MYCBP2: variants seen among roughly 807,000 people sequenced by gnomAD.
MYCBP2 encodes MYC binding protein 2.
Under a neutral mutation model 525.3 loss-of-function variants are expected in MYCBP2, and 120 were observed. The observed-to-expected ratio is 0.23, with a 90% CI of 0.20 to 0.27. The LOEUF is 0.27. MYCBP2 is among the 10% of genes least tolerant of loss of function. MYCBP2 has a pLI of 1.00. For synonymous variants in MYCBP2, 1,894 were observed against 1,955.8 expected (o/e 0.97, Z 0.83); for missense variants, 4,149 against 5,657.1 (o/e 0.73, Z 8.55).
At chr13:77,216,835 A>T (rs546468044) in intron 21 of MYCBP2, among the ~76,000 whole-genome samples, 18 of 152,348 alleles carry the variant, frequency 1.2e-4, no homozygotes, top group African/African-American at 4.1e-4. Context: ...AATAATTATT[A>T]GGTCAATTCA....
intron 55 of MYCBP2, chr13:77,109,907 A>C (rs2048501831): frequency 6.6e-6 from 1 of 152,194 alleles, no homozygotes; most frequent in South Asian, 2.1e-4. Flanking sequence ...TAATACTCTT[A>C]CAGTTTCTTA....
intron 82 of MYCBP2, among the ~76,000 whole-genome samples, chr13:77,046,323 T>C (rs1369596608): frequency 6.6e-6 from 1 of 152,184 alleles, no homozygotes; most frequent in African/African-American, 2.4e-5. Context: ...TATTTAATAG[T>C]AGATGAAGGA....
rs2077303880 is a variant in MYCBP2, at chr13:77,289,981, AG to A, written c.379-1606del. Among the ~76,000 whole-genome samples, 4 of 152,308 alleles carry A rather than the reference AG, an allele frequency of 2.6e-5. No homozygotes were observed. The South Asian group carries it at 8.3e-4, about 32-fold the overall frequency. On this transcript the variant is annotated intron_variant, in intron 2 of 82. Transcript: ENST00000544440. ...TATTTGCAAACCACATATCCAACAA[AG>A]GATGAGTATTCAGAATATATAAAGA...
rs189110610 is a variant in MYCBP2, at chr13:77,215,140, A to T, written c.3057+2700T>A. Among the ~76,000 whole-genome samples the T allele has an allele frequency of 3.1e-4, 47 of 152,322 alleles. No individual in the cohort carries two copies. In the East Asian group the frequency reaches 7.5e-3, roughly 24 times the overall value. On this transcript the variant is annotated intron_variant, in intron 21 of 82. Transcript: ENST00000544440. ...TGAGTATACAATTTTTGTATAACTT[A>T]ATTTTTAGCAACATGTAAATGTTCT...
At chr13:77,264,763 G>A (rs749762439) in intron 8 of MYCBP2, among the ~76,000 whole-genome samples, 8 of 151,994 alleles carry the variant, frequency 5.3e-5, no homozygotes, top group East Asian at 1.9e-4. Flanking sequence ...ACAGGAACAC[G>A]TGTTAGTGAT....
chr13:77,076,455 G>A (rs1267082208), intron 68 of MYCBP2, among the ~76,000 whole-genome samples: 1 of 152,160 alleles, frequency 6.6e-6, no homozygotes, highest in Non-Finnish European at 1.5e-5. Context: ...GAACTGTGAA[G>A]GACAGGGACA....
chr13:77,326,814 G>T lies in MYCBP2; in HGVS notation c.-39C>A. On this transcript the variant is annotated 5_prime_UTR_variant, in exon 1 of 83. Transcript: ENST00000544440. The surrounding 1 kb of genome is among the most constrained non-coding windows in gnomAD (Gnocchi z 4.2). Reference sequence around the variant, plus strand: ...GCCGCCGCCGCCGCCTCGTCCCCGCGGGCCGGGCGGGCAGACACGCGCGCG... The same window carrying T: ...GCCGCCGCCGCCGCCTCGTCCCCGCTGGCCGGGCGGGCAGACACGCGCGCG... 3 of 1,385,270 alleles carry T rather than the reference G, an allele frequency of 2.2e-6. No homozygotes were observed. The highest frequency in any genetic ancestry group is 2.8e-6 in the Non-Finnish European group (3 of 1,082,414). The allele number at this position is 1,385,270 out of a possible 1,614,324, so 85.8% of individuals were successfully genotyped here. A position where few individuals can be genotyped will look rare whatever the true frequency, so the allele number is the denominator to read the frequency against.
At chr13:77,216,589 TAC>T (rs981107379) in intron 21 of MYCBP2, among the ~76,000 whole-genome samples, 12 of 152,204 alleles carry the variant, frequency 7.9e-5, no homozygotes, top group Non-Finnish European at 1.6e-4. Flanking sequence ...CAACATAACT[TAC>T]AGAGTATCTT....
intron 30 of MYCBP2, among the ~76,000 whole-genome samples, chr13:77,188,193 C>T (rs78755726): frequency 6.6e-6 from 1 of 151,798 alleles, no homozygotes; most frequent in African/African-American, 2.4e-5. Flanking sequence ...ACTTTTATCT[C>T]ATTCCTACCA....
At chr13:77,097,145 A>C (rs180903775) in intron 56 of MYCBP2, among the ~76,000 whole-genome samples, 8 of 152,306 alleles carry the variant, frequency 5.3e-5, no homozygotes, top group African/African-American at 1.9e-4. Flanking sequence ...ATTTTTTAAA[A>C]CATGCTACAT....
At chr13:77,169,395 CAAAAAAAAAAA>C (rs371575329) in intron 39 of MYCBP2, among the ~76,000 whole-genome samples, 5 of 33,812 alleles carry the variant, frequency 1.5e-4, no homozygotes, top group African/African-American at 2.3e-4. Flanking sequence ...GACTCCGTCT[CAAAAAAAAAAA>C]AAAAAAAAAA....
chr13:77,311,753 G>C (rs1025180231), intron 1 of MYCBP2, among the ~76,000 whole-genome samples: 1 of 151,770 alleles, frequency 6.6e-6, no homozygotes, highest in Non-Finnish European at 1.5e-5. Context: ...ATTGATAGGA[G>C]ACTGAACAGT....
rs533462543 is a variant in MYCBP2, at chr13:77,107,630, C to T, written c.8141-8617G>A. 2.0e-3 allele frequency among the ~76,000 whole-genome samples: 299 copies of T among 152,136 alleles called. 3 individuals carry two copies. Among genetic ancestry groups the T allele is most frequent in the Non-Finnish European group, 2.1e-3 (144 of 68,002 alleles). ...ACACTCGCCTCCAGTCCTCACTACT[C>T]AGGAGGCAGAGGTGGGAGGATCACT... On this transcript the variant is annotated intron_variant, in intron 55 of 82. Coordinates refer to ENST00000544440, the MANE Select transcript of MYCBP2 (RefSeq NM_015057.5).
Position 77,090,236 on chromosome 13 carries a change from A to G in MYCBP2, c.10395T>C (p.Thr3465=). Residue 3465 remains threonine (T), a synonymous_variant, in exon 60 of 83, where the codon ACT becomes ACC. Transcript: ENST00000544440. The part of the protein sequence containing the change: ...PSLETSPITD[T]DLAKRTVFQR... ...GGAAGACAGTTCTCTTTGCAAGATC[A>G]GTATCAGTTATGGGACTGGTTTCTA... 4.3e-6 allele frequency: 7 copies of G among 1,612,262 alleles called. No homozygotes were observed. The highest frequency in any genetic ancestry group is 2.7e-5 in the African/African-American group (2 of 74,974).
Position 77,171,503 on chromosome 13 carries a change from A to G in MYCBP2, c.5783T>C (p.Leu1928Pro). 1.2e-6 allele frequency: 2 copies of G among 1,612,338 alleles called. No individual in the cohort carries two copies. The highest frequency in any genetic ancestry group is 8.5e-7 in the Non-Finnish European group (1 of 1,179,042). ...AGAAAAAATATTACCATCCACAGCA[A>G]GAGCTCTGTGCAGGAGGTCCTTAGA... is the stretch of plus-strand genomic sequence containing the variant. ...RASKDLLHRA[L>P]AVDADDIPEL... The change falls in exon 38 of 83, where the codon CTT (leucine) becomes CCT (proline). Residue 1928 changes from leucine to proline, a missense_variant. By Grantham distance (98) the Leu-to-Pro change is moderately conservative. This residue lies in a region of MYCBP2 where 692 missense variants were observed against 852.7 expected (regional missense o/e 0.81). Transcript: ENST00000544440.
At position 77,156,085 on chromosome 13, in the gene MYCBP2, C is replaced by G. The variant is rs762163338; in HGVS notation, c.6888G>C (p.Gly2296=). ...TITVQTKDQY[G]DVVHVPNMKV... The stretch of plus-strand genomic sequence containing the variant: ...TCATATTGGGAACATGTACCACATC[C>G]CCATACTGGTCTTTTGTTTGAACAG... The change falls in exon 46 of 83, where the codon GGG becomes GGC. Residue 2296 remains glycine (G), a synonymous_variant. Coordinates refer to ENST00000544440, the MANE Select transcript of MYCBP2 (RefSeq NM_015057.5). 25 of 1,613,410 alleles carry G rather than the reference C, an allele frequency of 1.5e-5. No homozygotes were observed. Among genetic ancestry groups the G allele is most frequent in the Non-Finnish European group, 1.9e-5 (23 of 1,179,670 alleles).
At chr13:77,254,891 G>A (rs961615737) in intron 14 of MYCBP2, among the ~76,000 whole-genome samples, 3 of 151,804 alleles carry the variant, frequency 2.0e-5, no homozygotes, top group African/African-American at 7.3e-5. Context: ...TTAACATCAT[G>A]TCCTTCAGTT....
rs374556131 is a variant in MYCBP2, at chr13:77,071,018, C to G, written c.11824-307G>C. Among the ~76,000 whole-genome samples, 7 of 152,086 alleles carry G rather than the reference C, an allele frequency of 4.6e-5. No individual in the cohort carries two copies. The South Asian group carries it at 1.5e-3, about 32-fold the overall frequency. ...TTGTAAACATTATTAGTTCACATCC[C>G]ACATTTAATTGTTTGAAGAACAATC... On this transcript the variant is annotated intron_variant, in intron 68 of 82. Coordinates refer to ENST00000544440, the MANE Select transcript of MYCBP2 (RefSeq NM_015057.5).
Position 77,099,079 on chromosome 13 carries a change from A to G in MYCBP2, c.8141-66T>C. The G allele has an allele frequency of 5.8e-6, 9 of 1,563,774 alleles. No individual in the cohort carries two copies. In the Admixed American group the frequency reaches 1.7e-4, roughly 29 times the overall value. On this transcript the variant is annotated intron_variant, in intron 55 of 82. Coordinates refer to ENST00000544440, the MANE Select transcript of MYCBP2 (RefSeq NM_015057.5). ...ATAACTTACTGATAATTTAGCCACT[A>G]AACACTGAAATAAAAAAACATAGCT...
Sources: allele counts gnomAD v4.1 joint callset (sites outside exome capture counted in the v4.1 genomes callset), GRCh38; gene constraint gnomAD v4.1.1; regional missense constraint gnomAD v4.1.1; non-coding constraint Gnocchi (gnomAD v3.1); transcripts MANE v1.5; gene names NCBI Gene and HGNC (gene_info 2026-07-23, HGNC 2026-07-21).